KCNH7: variants seen among roughly 807,000 people sequenced by gnomAD.
The protein encoded by KCNH7 is potassium voltage-gated channel subfamily H member 7, also known as voltage-gated inwardly rectifying potassium channel KCNH7.
A neutral mutation model predicts 120.8 loss-of-function variants in KCNH7; 49 were observed. The ratio of observed to expected loss-of-function variants is 0.41; its 90% CI spans 0.32 to 0.51. The LOEUF is 0.51. KCNH7 is among the 20% of genes least tolerant of loss of function. The pLI, the probability that KCNH7 is intolerant of heterozygous loss-of-function variation, is 0.38. For synonymous variants in KCNH7, 547 were observed against 516.1 expected (o/e 1.06, Z -0.81); for missense variants, 1,097 against 1,446.6 (o/e 0.76, Z 3.92).
intron 9 of KCNH7, among the ~76,000 whole-genome samples, chr2:162,414,402 T>C (rs1390321922): frequency 6.6e-6 from 1 of 151,440 alleles, no homozygotes; most frequent in Non-Finnish European, 1.5e-5. Flanking sequence ...AAGAAACCAT[T>C]AGTATAAGTA....
intron 2 of KCNH7, among the ~76,000 whole-genome samples, chr2:162,635,346 A>G (rs763460404): frequency 6.6e-6 from 1 of 152,082 alleles, no homozygotes; most frequent in Non-Finnish European, 1.5e-5. Context: ...ATAATAAATA[A>G]TTATAATAAT....
chr2:162,586,320 C>T (rs542701881), intron 2 of KCNH7, among the ~76,000 whole-genome samples: 4 of 152,086 alleles, frequency 2.6e-5, no homozygotes, highest in Admixed American at 2.6e-4. Flanking sequence ...TCTATTTTGC[C>T]CTTTGGAACG....
intron 2 of KCNH7, among the ~76,000 whole-genome samples, chr2:162,658,082 T>C (rs977670321): frequency 6.6e-6 from 1 of 151,650 alleles, no homozygotes; most frequent in African/African-American, 2.4e-5. Context: ...CCTCATTCCT[T>C]CTGCCATGGG....
At chr2:162,563,300 C>T (rs1188816664) in intron 2 of KCNH7, among the ~76,000 whole-genome samples, 2 of 152,106 alleles carry the variant, frequency 1.3e-5, no homozygotes, top group South Asian at 2.1e-4. Flanking sequence ...ACACATAGAT[C>T]GTACCATTTA....
intron 2 of KCNH7, among the ~76,000 whole-genome samples, chr2:162,545,370 G>A (rs1451936416): frequency 6.6e-6 from 1 of 152,132 alleles, no homozygotes; most frequent in Non-Finnish European, 1.5e-5. Flanking sequence ...ATGTCACTGG[G>A]AAACACTGAG....
At chr2:162,392,691 C>T (rs554747945) in intron 12 of KCNH7, among the ~76,000 whole-genome samples, 1 of 151,858 alleles carries the variant, frequency 6.6e-6, no homozygotes, top group South Asian at 2.1e-4. Flanking sequence ...TGCAAATAAA[C>T]CCAGAAGTAC....
chr2:162,529,780 T>G (rs1040512392), intron 3 of KCNH7, among the ~76,000 whole-genome samples: 3 of 151,836 alleles, frequency 2.0e-5, no homozygotes, highest in African/African-American at 7.2e-5. Flanking sequence ...TGGTAGGGAA[T>G]GCACAATTTT....
chr2:162,381,768 A>G (rs1686426366), intron 13 of KCNH7, among the ~76,000 whole-genome samples: 1 of 152,128 alleles, frequency 6.6e-6, no homozygotes, highest in African/African-American at 2.4e-5. Context: ...GCAAAATATA[A>G]GTGAACCTAA....
At chr2:162,614,836 G>A (rs1172642193) in intron 2 of KCNH7, among the ~76,000 whole-genome samples, 1 of 151,086 alleles carries the variant, frequency 6.6e-6, no homozygotes, top group Admixed American at 6.6e-5. Flanking sequence ...TAGGGCTACT[G>A]AACTATATTT....
At chr2:162,678,061 G>A (rs1375363677) in intron 2 of KCNH7, among the ~76,000 whole-genome samples, 2 of 151,382 alleles carry the variant, frequency 1.3e-5, no homozygotes, top group East Asian at 3.9e-4. Context: ...CAAGTATAAA[G>A]CACTGTAATC....
intron 2 of KCNH7, among the ~76,000 whole-genome samples, chr2:162,666,549 G>T (rs1026057762): frequency 5.9e-5 from 9 of 151,824 alleles, no homozygotes; most frequent in African/African-American, 2.2e-4. Context: ...TAAAACCTAG[G>T]GTGCTTTTTC....
At chr2:162,513,511 T>C (rs1691184728) in intron 4 of KCNH7, among the ~76,000 whole-genome samples, 2 of 145,884 alleles carry the variant, frequency 1.4e-5, no homozygotes, top group African/African-American at 2.5e-5. Flanking sequence ...CCTTCTTTCC[T>C]TCCTTCCTTC....
At chr2:162,373,956 A>G (rs538150135) in intron 14 of KCNH7, among the ~76,000 whole-genome samples, 3 of 152,310 alleles carry the variant, frequency 2.0e-5, no homozygotes, top group Admixed American at 6.5e-5. Flanking sequence ...TGTAAAACAC[A>G]CTGACAATTT....
intron 6 of KCNH7, among the ~76,000 whole-genome samples, chr2:162,482,346 G>A (rs1443101569): frequency 6.6e-6 from 1 of 152,160 alleles, no homozygotes; most frequent in Non-Finnish European, 1.5e-5. Context: ...ATGTGCTGAT[G>A]AGGAGTAAGA....
At chr2:162,445,574 A>G (rs896374894) in intron 7 of KCNH7, among the ~76,000 whole-genome samples, 2 of 152,198 alleles carry the variant, frequency 1.3e-5, no homozygotes, top group African/African-American at 4.8e-5. Flanking sequence ...ATTATTTAAG[A>G]GAAAGCATAT....
At chr2:162,619,767 A>G (rs556933727) in intron 2 of KCNH7, among the ~76,000 whole-genome samples, 7 of 152,248 alleles carry the variant, frequency 4.6e-5, no homozygotes, top group African/African-American at 1.7e-4. Context: ...ATAGTGATTA[A>G]ACGCATCTTC....
At chr2:162,388,085 A>T (rs1035817562) in intron 12 of KCNH7, among the ~76,000 whole-genome samples, 7 of 151,678 alleles carry the variant, frequency 4.6e-5, no homozygotes, top group Non-Finnish European at 8.8e-5. Context: ...TCTAAAATAA[A>T]TTTTTTCATT....
At chr2:162,411,898 T>C (rs1687402907) in intron 9 of KCNH7, among the ~76,000 whole-genome samples, 1 of 152,012 alleles carries the variant, frequency 6.6e-6, no homozygotes, top group African/African-American at 2.4e-5. Flanking sequence ...CTGCTGATGA[T>C]TGTATGCTTA....
At chr2:162,788,621 G>C (rs557143518) in intron 2 of KCNH7, among the ~76,000 whole-genome samples, 1 of 152,008 alleles carries the variant, frequency 6.6e-6, no homozygotes, top group African/African-American at 2.4e-5. Flanking sequence ...AGCCTGCAGG[G>C]CTATGGGAGA....
Sources: allele counts gnomAD v4.1 joint callset (sites outside exome capture counted in the v4.1 genomes callset), GRCh38; gene constraint gnomAD v4.1.1; transcripts MANE v1.5; gene names NCBI Gene and HGNC (gene_info 2026-07-23, HGNC 2026-07-21).